LRP5: variants seen among roughly 807,000 people sequenced by gnomAD.
The protein encoded by LRP5 is LDL receptor related protein 5.
LRP5 carries 62 observed loss-of-function variants against 154.1 expected under a neutral mutation model. That is an observed-to-expected ratio of 0.40 (90% confidence interval 0.33 to 0.50). LRP5 has a LOEUF of 0.50. Ranked by LOEUF, LRP5 falls within the 20% of genes least tolerant of loss-of-function variation. The pLI is 0.55. For missense variants in LRP5, 1,915 were observed against 2,336.7 expected, an observed-to-expected ratio of 0.82 and a Z score of 3.72; for synonymous variants, 966 against 1,011.5, an observed-to-expected ratio of 0.96 and a Z score of 0.85.
chr11:68,372,533 C>T (rs527730558), intron 5 of LRP5, among the ~76,000 whole-genome samples: 2 of 137,910 alleles, frequency 1.5e-5, no homozygotes, highest in East Asian at 2.2e-4. Flanking sequence ...TGCGGGCTGA[C>T]CTTCTATTTT....
chr11:68,426,736 T>C (rs1291508310), intron 16 of LRP5, among the ~76,000 whole-genome samples: 1 of 152,124 alleles, frequency 6.6e-6, no homozygotes, highest in Non-Finnish European at 1.5e-5. Context: ...CCACGGATTG[T>C]CTCTCAGTTC....
Position 68,410,199 on chromosome 11 carries a change from G to T in LRP5, c.2318+59G>T, listed in dbSNP as rs976890928. On this transcript the variant is annotated intron_variant, in intron 10 of 22. Coordinates refer to ENST00000294304, the MANE Select transcript of LRP5 (RefSeq NM_002335.4). ...TCACCTCGTATGAGACAGTGCGGGG[G>T]TGCCAACTGGGCAAGGTGGCAGGCT... is the stretch of plus-strand genomic sequence containing the variant. The T allele has an allele frequency of 2.8e-6, 4 of 1,416,084 alleles. No homozygotes were observed. The East Asian group carries it at 9.6e-5, about 34-fold the overall frequency. 87.7% of individuals were successfully genotyped at this position (1,416,084 alleles called of 1,614,324 possible). A position where few individuals can be genotyped will look rare whatever the true frequency, so the allele number is the denominator to read the frequency against.
chr11:68,321,126 C>T (rs2098596545), intron 1 of LRP5, among the ~76,000 whole-genome samples: 1 of 133,102 alleles, frequency 7.5e-6, no homozygotes. Flanking sequence ...AGGGAGTTGT[C>T]CAACACCTTG....
At chr11:68,313,591 A>G (rs375779390) in intron 1 of LRP5, among the ~76,000 whole-genome samples, 2 of 152,202 alleles carry the variant, frequency 1.3e-5, no homozygotes, top group African/African-American at 4.8e-5. Flanking sequence ...GGACTCAGGA[A>G]ACTTAAGCAG....
chr11:68,343,826 G>A (rs1229328720), intron 1 of LRP5, among the ~76,000 whole-genome samples: 1 of 152,134 alleles, frequency 6.6e-6, no homozygotes, highest in South Asian at 2.1e-4. Context: ...ACCCCCTCGC[G>A]GCTGCCATCT....
At chr11:68,342,948 G>T (rs900588682) in intron 1 of LRP5, among the ~76,000 whole-genome samples, 1 of 152,194 alleles carries the variant, frequency 6.6e-6, no homozygotes, top group Non-Finnish European at 1.5e-5. Flanking sequence ...AGGGCCCCCC[G>T]CTGGGACCTC....
chr11:68,411,736 C>A, intron 11 of LRP5, 116 bp downstream of exon 11: 2 of 1,131,780 alleles, frequency 1.8e-6, no homozygotes, highest in Admixed American at 2.3e-5. Context: ...CTGGCAGGAG[C>A]TGTGGCCACA....
chr11:68,448,206 T>C (rs1183320642), intron 22 of LRP5, among the ~76,000 whole-genome samples: 1 of 152,136 alleles, frequency 6.6e-6, no homozygotes. Flanking sequence ...GAGAACAGTA[T>C]GGGGGGAACC....
chr11:68,409,073 A>AAAAAAAAAAAAAAATATATATATATATAT (rs2098657548), intron 9 of LRP5, among the ~76,000 whole-genome samples: 1 of 44,188 alleles, frequency 2.3e-5, no homozygotes, highest in African/African-American at 1.3e-4. Context: ...AAAAAAAAAA[A>AAAAAAAAAAAAAAATATATATATATATAT]ATATATATAT....
chr11:68,431,805 G>C (rs1012918978), intron 17 of LRP5, among the ~76,000 whole-genome samples: 1 of 152,224 alleles, frequency 6.6e-6, no homozygotes, highest in Non-Finnish European at 1.5e-5. Context: ...GGGGCCGTCA[G>C]AACGCTGCAC....
At chr11:68,443,581 ATATATTTTTT>A (rs1253876944) in intron 21 of LRP5, among the ~76,000 whole-genome samples, 57 of 36,804 alleles carry the variant, frequency 1.5e-3, no homozygotes, top group East Asian at 5.8e-3. Context: ...ATATATATAT[ATATATTTTTT>A]TTTTTTTTGG....
intron 5 of LRP5, among the ~76,000 whole-genome samples, chr11:68,372,917 G>A (rs1319202701): frequency 6.6e-6 from 1 of 152,060 alleles, no homozygotes; most frequent in Non-Finnish European, 1.5e-5. Context: ...GGGGGGCAGG[G>A]CCTGGCTGTG....
Position 68,423,761 on chromosome 11 carries a change from G to A in LRP5, c.3236+64G>A, listed in dbSNP as rs1338243744. 18 of 1,496,462 alleles carry A rather than the reference G, an allele frequency of 1.2e-5. No homozygotes were observed. The highest frequency in any genetic ancestry group is 4.5e-4 in the Middle Eastern group (2 of 4,424). The allele number at this position is 1,496,462 out of a possible 1,614,324, so 92.7% of individuals were successfully genotyped here. On this transcript the variant is annotated intron_variant, in intron 14 of 22. Coordinates refer to ENST00000294304, the MANE Select transcript of LRP5 (RefSeq NM_002335.4). This position sits in a 1 kb window ranked among gnomAD's most constrained non-coding sequence, Gnocchi z 4.7. ...AGGCGTGCCCGCCGTGTCTTCTGCCGAATGCCAGCCTCTCACAGGCTGGGG... is the reference window on the plus strand; with the variant it reads ...AGGCGTGCCCGCCGTGTCTTCTGCCAAATGCCAGCCTCTCACAGGCTGGGG...
intron 2 of LRP5, among the ~76,000 whole-genome samples, chr11:68,354,683 TATG>T (rs1441211785): frequency 6.6e-6 from 1 of 152,334 alleles, no homozygotes; most frequent in East Asian, 1.9e-4. Context: ...GGGTGAGTCA[TATG>T]ATGGCCGGGC....
chr11:68,325,763 G>A (rs1273105961), intron 1 of LRP5, among the ~76,000 whole-genome samples: 2 of 152,288 alleles, frequency 1.3e-5, no homozygotes, highest in African/African-American at 4.8e-5. Flanking sequence ...CTAGCTCTGC[G>A]GTCTGGGACA....
At chr11:68,352,178 C>T (rs1035625934) in intron 2 of LRP5, among the ~76,000 whole-genome samples, 5 of 152,144 alleles carry the variant, frequency 3.3e-5, no homozygotes, top group Non-Finnish European at 5.9e-5. Flanking sequence ...AAAGCAGCAG[C>T]GGGGACACCT....
chr11:68,307,169 C>A, the LRP5 span, among the ~76,000 whole-genome samples: 1 of 150,486 alleles, frequency 6.6e-6, no homozygotes, highest in African/African-American at 2.4e-5. Flanking sequence ...GCAACAAGAA[C>A]AAAACTGCAA....
the LRP5 span, among the ~76,000 whole-genome samples, chr11:68,305,321 G>A: frequency 6.6e-6 from 1 of 151,934 alleles, no homozygotes; most frequent in South Asian, 2.1e-4. Flanking sequence ...TCCACGATGA[G>A]TAAAACTCCC....
chr11:68,401,901 C>T (rs1021273829), intron 7 of LRP5, among the ~76,000 whole-genome samples: 11 of 152,126 alleles, frequency 7.2e-5, no homozygotes, highest in Non-Finnish European at 1.5e-4. Flanking sequence ...CCATGTTGGC[C>T]AGGCTGATCT....
Sources: gnomAD v4.1 joint callset for allele counts (sites outside exome capture counted in the v4.1 genomes callset) on GRCh38, gnomAD v4.1.1 for gene constraint, Gnocchi (gnomAD v3.1) non-coding constraint, MANE v1.5 for transcripts, NCBI Gene and HGNC (gene_info 2026-07-23, HGNC 2026-07-21) for gene names.